Variants in NRG2 observed in about 807,000 individuals in gnomAD.
NRG2 encodes pro-neuregulin-2, membrane-bound isoform.
A neutral mutation model predicts 73.9 loss-of-function variants in NRG2; 27 were observed. That is an observed-to-expected ratio of 0.37 (90% CI 0.27 to 0.50). The LOEUF (loss-of-function observed/expected upper bound fraction) is 0.50. NRG2 is among the 20% of genes least tolerant of loss of function. The probability of loss-of-function intolerance (pLI) is 0.96; values close to 1 mark genes in which losing one functional copy is unlikely to be tolerated. For missense variants in NRG2, 1,126 were observed against 1,210.1 expected (o/e 0.93, Z 1.03); for synonymous variants, 532 against 541.0 (o/e 0.98, Z 0.23).
chr5:139,960,587 A>G (rs1482111714), intron 1 of NRG2, among the ~76,000 whole-genome samples: 2 of 152,236 alleles, frequency 1.3e-5, no homozygotes, highest in African/African-American at 2.4e-5. Flanking sequence ...CTTACTGGAT[A>G]TATGACCTGA....
chr5:139,908,412 G>A (rs141017510), intron 1 of NRG2, among the ~76,000 whole-genome samples: 1 of 152,206 alleles, frequency 6.6e-6, no homozygotes, highest in African/African-American at 2.4e-5. Flanking sequence ...TGAGGGTCAG[G>A]TGAGGAGTAC....
chr5:139,915,843 C>A lies in NRG2; in HGVS notation c.701-28332G>T, dbSNP rs753007824. On this transcript the variant is annotated intron_variant, in intron 1 of 9. Coordinates refer to ENST00000361474, the MANE Select transcript of NRG2 (RefSeq NM_004883.3). This position sits in a 1 kb window ranked among gnomAD's most constrained non-coding sequence, Gnocchi z 4.0. ...TTTCCTGGAATATGGGACAGCCTGG[C>A]AATGACACTGAGTGGGAATCCACAA... is the stretch of plus-strand genomic sequence containing the variant. Among the ~76,000 whole-genome samples the A allele has an allele frequency of 3.3e-5, 5 of 152,116 alleles. No individual in the cohort carries two copies. The highest frequency in any genetic ancestry group is 7.3e-5 in the Non-Finnish European group (5 of 68,030).
At chr5:140,021,194 T>C (rs265148) in intron 1 of NRG2, among the ~76,000 whole-genome samples, 36,302 of 152,108 alleles carry the variant, frequency 0.24, 4,661 homozygotes, top group African/African-American at 0.32. Context: ...TATCATTAGC[T>C]CTATTTTATT....
At chr5:139,926,439 G>C (rs531752580) in intron 1 of NRG2, among the ~76,000 whole-genome samples, 1 of 152,276 alleles carries the variant, frequency 6.6e-6, no homozygotes, top group Admixed American at 6.5e-5. Context: ...ATATAAGCCT[G>C]GCTCTCTGTG....
Position 139,887,188 on chromosome 5 carries a change from G to A in NRG2, c.872+152C>T. 2 of 869,810 alleles carry A rather than the reference G, an allele frequency of 2.3e-6. No homozygotes were observed. The highest frequency in any genetic ancestry group is 3.6e-6 in the Non-Finnish European group (2 of 553,816). 53.9% of individuals were successfully genotyped at this position (869,810 alleles called of 1,614,324 possible). On this transcript the variant is annotated intron_variant, in intron 2 of 9. Coordinates refer to ENST00000361474, the MANE Select transcript of NRG2 (RefSeq NM_004883.3). The surrounding 1 kb of genome is among the most constrained non-coding windows in gnomAD (Gnocchi z 4.5). Reference sequence around the variant, plus strand: ...CCGAGCTGCAGGAAGAAGGCTGGGAGTGGCAAGGAAGGGGAGTATGGAGAG... The same window carrying A: ...CCGAGCTGCAGGAAGAAGGCTGGGAATGGCAAGGAAGGGGAGTATGGAGAG...
intron 1 of NRG2, among the ~76,000 whole-genome samples, chr5:139,964,357 T>TAC (rs71574473): frequency 0.11 from 15,547 of 142,704 alleles, 805 homozygotes; most frequent in Middle Eastern, 0.14. Context: ...GAAATACAGA[T>TAC]ACACACACAC....
At chr5:139,938,826 T>C (rs1161790970) in intron 1 of NRG2, among the ~76,000 whole-genome samples, 2 of 121,618 alleles carry the variant, frequency 1.6e-5, no homozygotes, top group Non-Finnish European at 3.4e-5. Context: ...GCTGAAACAA[T>C]TGGACAGTCA....
chr5:139,896,708 G>A (rs1764564505), intron 1 of NRG2, among the ~76,000 whole-genome samples: 1 of 152,006 alleles, frequency 6.6e-6, no homozygotes, highest in South Asian at 2.1e-4. Context: ...TTCCCCAAAG[G>A]CTGAGTCCAT....
intron 1 of NRG2, among the ~76,000 whole-genome samples, chr5:139,968,677 G>T (rs1755748927): frequency 6.6e-6 from 1 of 152,166 alleles, no homozygotes. Context: ...CTGAGGGCTG[G>T]CTCCCAACAG....
At position 139,851,876 on chromosome 5, in the gene NRG2, G is replaced by C. The variant is rs1236638053; in HGVS notation, c.1545-45C>G. ...TGAGACGAGGGGTCAGGAAGGGGCA[G>C]GGCGGCCCAGCAGGTGTGGTCCCAT... On this transcript the variant is annotated intron_variant, in intron 8 of 9. Transcript: ENST00000361474. The surrounding 1 kb of genome is among the most constrained non-coding windows in gnomAD (Gnocchi z 4.2). 5 of 1,573,506 alleles carry C rather than the reference G, an allele frequency of 3.2e-6. No individual in the cohort carries two copies. Among genetic ancestry groups the C allele is most frequent in the Non-Finnish European group, 3.5e-6 (4 of 1,149,718 alleles).
rs772099686 is a variant in NRG2, at chr5:139,852,379, G to A, written c.1544+53C>T. The stretch of plus-strand genomic sequence containing the variant: ...ATGTCGGAGTAAGTGGGCACTTTGC[G>A]CCAGATGAAGTATGTGAGTCTACAA... On this transcript the variant is annotated intron_variant, in intron 8 of 9. Coordinates refer to ENST00000361474, the MANE Select transcript of NRG2 (RefSeq NM_004883.3). The surrounding 1 kb of genome is among the most constrained non-coding windows in gnomAD (Gnocchi z 4.4). 2.1e-5 allele frequency: 33 copies of A among 1,587,958 alleles called. No individual in the cohort carries two copies. Among genetic ancestry groups the A allele is most frequent in the East Asian group, 4.5e-5 (2 of 44,606 alleles).
intron 1 of NRG2, among the ~76,000 whole-genome samples, chr5:139,980,113 T>A (rs1340850163): frequency 6.6e-6 from 1 of 152,148 alleles, no homozygotes; most frequent in East Asian, 1.9e-4. Context: ...TCTTTCTTCC[T>A]CTTACTCCCA....
At chr5:140,012,120 A>G (rs920370247) in intron 1 of NRG2, among the ~76,000 whole-genome samples, 2 of 152,144 alleles carry the variant, frequency 1.3e-5, no homozygotes, top group African/African-American at 2.4e-5. Context: ...ATCCCTTTGC[A>G]CATACCGTTC....
intron 4 of NRG2, among the ~76,000 whole-genome samples, chr5:139,866,057 T>C (rs1762449898): frequency 6.6e-6 from 1 of 152,186 alleles, no homozygotes; most frequent in South Asian, 2.1e-4. Context: ...CAGGACCGAC[T>C]GAAGGATTCT....
At chr5:139,920,109 G>A (rs1040704082) in intron 1 of NRG2, among the ~76,000 whole-genome samples, 6 of 152,188 alleles carry the variant, frequency 3.9e-5, no homozygotes, top group African/African-American at 7.2e-5. Context: ...AGGTAAAGAC[G>A]TATAGACTAT....
At chr5:139,859,054 C>G (rs1179568396) in intron 5 of NRG2, among the ~76,000 whole-genome samples, 1 of 152,160 alleles carries the variant, frequency 6.6e-6, no homozygotes, top group Non-Finnish European at 1.5e-5. Flanking sequence ...GCCCCTGCCT[C>G]TCTCCTCATG....
intron 1 of NRG2, among the ~76,000 whole-genome samples, chr5:139,932,206 G>A (rs1296682128): frequency 6.7e-6 from 1 of 149,266 alleles, no homozygotes; most frequent in Non-Finnish European, 1.5e-5. Flanking sequence ...ATGGATGAAT[G>A]GATAAAGAAA....
In NRG2 at chr5:139,904,513, C is replaced by G. The variant is rs1419285629; in HGVS notation, c.701-17002G>C. The G allele has an allele frequency of 1.8e-6, 1 of 547,060 alleles. No individual in the cohort carries two copies. The highest frequency in any genetic ancestry group is 3.2e-6 in the Non-Finnish European group (1 of 317,216). The allele number at this position is 547,060 out of a possible 1,614,324, so 33.9% of individuals were successfully genotyped here. Reference sequence around the variant, plus strand: ...CGCCTTTCTTATAGGCGGTCACACCCTCCGGGGGAGGGGAGCAGCGAGCCT... The same window carrying G: ...CGCCTTTCTTATAGGCGGTCACACCGTCCGGGGGAGGGGAGCAGCGAGCCT... On this transcript the variant is annotated intron_variant, in intron 1 of 9. Transcript: ENST00000361474. This position sits in a 1 kb window ranked among gnomAD's most constrained non-coding sequence, Gnocchi z 6.0.
chr5:140,006,829 A>G (rs965048921), intron 1 of NRG2, among the ~76,000 whole-genome samples: 13 of 152,324 alleles, frequency 8.5e-5, no homozygotes, highest in Middle Eastern at 3.4e-3. Flanking sequence ...TCCAACAAAC[A>G]TGTTACTTTT....
Sources: allele counts gnomAD v4.1 joint callset (sites outside exome capture counted in the v4.1 genomes callset), GRCh38; gene constraint gnomAD v4.1.1; non-coding constraint Gnocchi (gnomAD v3.1); transcripts MANE v1.5; gene names NCBI Gene and HGNC (gene_info 2026-07-23, HGNC 2026-07-21).